ZEB1: variants seen among roughly 807,000 people sequenced by gnomAD.
The protein encoded by ZEB1 is zinc finger E-box binding homeobox 1, also known as zinc finger E-box-binding homeobox 1.
Under a neutral mutation model 84.9 loss-of-function variants are expected in ZEB1, and 21 were observed. The observed-to-expected ratio is 0.25, with a 90% confidence interval of 0.18 to 0.36. The LOEUF (loss-of-function observed/expected upper bound fraction) is 0.36. Among genes scored for constraint, ZEB1 ranks in the 10% least tolerant of loss-of-function variants. The probability of loss-of-function intolerance (pLI) is 1.00; values close to 1 mark genes in which losing one functional copy is unlikely to be tolerated. For missense variants in ZEB1, 1,104 were observed against 1,330.2 expected (o/e 0.83, Z 2.65); for synonymous variants, 420 against 471.1 (o/e 0.89, Z 1.41).
At chr10:31,350,329 G>A (rs191360341) in intron 1 of ZEB1, among the ~76,000 whole-genome samples, 1 of 152,188 alleles carries the variant, frequency 6.6e-6, no homozygotes, top group Admixed American at 6.5e-5. Context: ...GTAAGAAAAG[G>A]CCATTTGGGC....
intron 7 of ZEB1, among the ~76,000 whole-genome samples, chr10:31,523,460 G>T (rs1013661941): frequency 2.0e-5 from 3 of 152,154 alleles, no homozygotes; most frequent in African/African-American, 7.2e-5. Flanking sequence ...GAAAGACCAG[G>T]TTTTAAAAAT....
chr10:31,449,516 T>A (rs1045681961), intron 1 of ZEB1, among the ~76,000 whole-genome samples: 1 of 152,164 alleles, frequency 6.6e-6, no homozygotes, highest in African/African-American at 2.4e-5. Context: ...GTGGGTTTCA[T>A]TTTGGTGAAA....
chr10:31,460,027 T>C (rs2061647831), intron 1 of ZEB1, among the ~76,000 whole-genome samples: 1 of 152,066 alleles, frequency 6.6e-6, no homozygotes, highest in African/African-American at 2.4e-5. Flanking sequence ...TTTTCTCCCT[T>C]CTTCCGAATC....
At chr10:31,516,253 C>T (rs2071072033) in intron 6 of ZEB1, among the ~76,000 whole-genome samples, 1 of 151,984 alleles carries the variant, frequency 6.6e-6, no homozygotes, top group African/African-American at 2.4e-5. Context: ...TCATGGAACA[C>T]AAAGCTCCCA....
chr10:31,450,037 T>C (rs534746428), intron 1 of ZEB1, among the ~76,000 whole-genome samples: 3 of 152,316 alleles, frequency 2.0e-5, no homozygotes, highest in South Asian at 4.1e-4. Context: ...CCAGAGACCA[T>C]GCTCCTACTT....
intron 1 of ZEB1, among the ~76,000 whole-genome samples, chr10:31,353,387 G>A (rs1305650029): frequency 6.6e-6 from 1 of 152,142 alleles, no homozygotes; most frequent in Non-Finnish European, 1.5e-5. Flanking sequence ...TCTAATACAA[G>A]CATCTGTCTA....
chr10:31,413,469 TAGAG>T (rs1050951767), intron 1 of ZEB1, among the ~76,000 whole-genome samples: 9 of 152,052 alleles, frequency 5.9e-5, no homozygotes, highest in Non-Finnish European at 1.2e-4. Context: ...TCATTGCAGA[TAGAG>T]AGGGAGAGAA....
chr10:31,496,670 T>C (rs1435076275), intron 3 of ZEB1, among the ~76,000 whole-genome samples: 1 of 152,134 alleles, frequency 6.6e-6, no homozygotes, highest in Non-Finnish European at 1.5e-5. Flanking sequence ...TATTCAACCA[T>C]AAATTAGATA....
At chr10:31,451,778 A>G (rs2060595758) in intron 1 of ZEB1, among the ~76,000 whole-genome samples, 1 of 152,076 alleles carries the variant, frequency 6.6e-6, no homozygotes, top group South Asian at 2.1e-4. Context: ...GGAAAAGGGG[A>G]AGGTAATTTG....
rs183383004 is a variant in ZEB1 at position 31,501,055 on chromosome 10, G to C, written c.323-1293G>C. Among the ~76,000 whole-genome samples the C allele has an allele frequency of 2.0e-5, 3 of 152,338 alleles. No individual in the cohort carries two copies. In the East Asian group the frequency reaches 5.8e-4, roughly 29 times the overall value. ...GTTTGGTTACCGCTACAGTGCAGGA[G>C]ATGTAGCAAGATTGTTTTAATAACC... is the stretch of plus-strand genomic sequence containing the variant. On this transcript the variant is annotated intron_variant, in intron 3 of 8. Coordinates refer to ENST00000424869, the MANE Select transcript of ZEB1 (RefSeq NM_001174096.2).
At chr10:31,474,744 A>G (rs889487746) in intron 2 of ZEB1, among the ~76,000 whole-genome samples, 4 of 152,186 alleles carry the variant, frequency 2.6e-5, no homozygotes, top group Non-Finnish European at 5.9e-5. Context: ...TCATGCTGCT[A>G]TAAAGACACA....
At chr10:31,416,821 C>T (rs2055295832) in intron 1 of ZEB1, among the ~76,000 whole-genome samples, 1 of 152,094 alleles carries the variant, frequency 6.6e-6, no homozygotes, top group African/African-American at 2.4e-5. Flanking sequence ...CTTGATCATA[C>T]CATAAAAGCC....
At chr10:31,362,755 C>T (rs1265972591) in intron 1 of ZEB1, 1 of 610,724 alleles carries the variant, frequency 1.6e-6, no homozygotes. Context: ...GTCTCAATCT[C>T]TTGATCTCCT....
chr10:31,475,918 G>GA (rs1314819177), intron 2 of ZEB1, among the ~76,000 whole-genome samples: 1 of 151,696 alleles, frequency 6.6e-6, no homozygotes, highest in African/African-American at 2.4e-5. Flanking sequence ...ACTATGATGG[G>GA]AAAAAAACAC....
At chr10:31,399,246 C>T (rs1423111594) in intron 1 of ZEB1, among the ~76,000 whole-genome samples, 3 of 152,098 alleles carry the variant, frequency 2.0e-5, no homozygotes, top group Middle Eastern at 3.2e-3. Flanking sequence ...CTGCCTGCCA[C>T]GGCCTCCCAA....
At chr10:31,349,493 C>A (rs2040927719) in intron 1 of ZEB1, among the ~76,000 whole-genome samples, 1 of 152,154 alleles carries the variant, frequency 6.6e-6, no homozygotes, top group South Asian at 2.1e-4. Context: ...GAGGACCCTC[C>A]ATACTGTTTT....
chr10:31,472,427 T>C (rs1282231702), intron 2 of ZEB1, among the ~76,000 whole-genome samples: 5 of 152,080 alleles, frequency 3.3e-5, no homozygotes, highest in Non-Finnish European at 5.9e-5. Flanking sequence ...ATACTACAAA[T>C]ACCTCTATGC....
chr10:31,478,813 A>G (rs752738867), intron 2 of ZEB1, among the ~76,000 whole-genome samples: 3 of 151,918 alleles, frequency 2.0e-5, no homozygotes, highest in Non-Finnish European at 4.4e-5. Context: ...CAGTGGTTAC[A>G]TATAGATGCA....
intron 4 of ZEB1, among the ~76,000 whole-genome samples, chr10:31,507,794 C>T (rs531054959): frequency 1.3e-5 from 2 of 151,884 alleles, no homozygotes; most frequent in East Asian, 3.9e-4. Context: ...TTTATAAGAT[C>T]ATTATTTTTA....
Sources: gnomAD v4.1 joint callset for allele counts (sites outside exome capture counted in the v4.1 genomes callset) on GRCh38, gnomAD v4.1.1 for gene constraint, MANE v1.5 for transcripts, NCBI Gene and HGNC (gene_info 2026-07-23, HGNC 2026-07-21) for gene names.